Variants in RUNX1 observed in about 807,000 individuals in gnomAD.
The protein encoded by RUNX1 is RUNX family transcription factor 1, also known as runt-related transcription factor 1.
A neutral mutation model predicts 42.8 loss-of-function variants in RUNX1; 19 were observed. The observed-to-expected ratio is 0.44, with a 90% CI of 0.31 to 0.65. RUNX1 has a LOEUF of 0.65. Among genes scored for constraint, RUNX1 ranks in the 30% least tolerant of loss-of-function variants. The pLI, the probability that RUNX1 is intolerant of heterozygous loss-of-function variation, is 0.07. For missense variants in RUNX1, 528 were observed against 672.0 expected, an observed-to-expected ratio of 0.79 and a Z score of 2.37; for synonymous variants, 271 against 289.4, an observed-to-expected ratio of 0.94 and a Z score of 0.64.
At chr21:34,915,676 G>T (rs749144645) in intron 2 of RUNX1, among the ~76,000 whole-genome samples, 4 of 152,200 alleles carry the variant, frequency 2.6e-5, no homozygotes, top group Admixed American at 6.5e-5. Flanking sequence ...CAAAGTGGAA[G>T]GTGTTGTCAG....
At chr21:35,017,391 G>C (rs1319060322) in intron 2 of RUNX1, among the ~76,000 whole-genome samples, 1 of 152,110 alleles carries the variant, frequency 6.6e-6, no homozygotes, top group Non-Finnish European at 1.5e-5. Context: ...AAAGGAGAGT[G>C]GGGGGACAAT....
chr21:35,007,149 T>C lies in RUNX1; in HGVS notation c.58+41693A>G, dbSNP rs2059091083. Among the ~76,000 whole-genome samples the C allele has an allele frequency of 3.9e-5, 6 of 152,170 alleles. No homozygotes were observed. In the South Asian group the frequency reaches 1.0e-3, roughly 26 times the overall value. ...TAATAATTTTTATATAGAATGCATA[T>C]TGAAATGTAACATTTGGCTATAGTG... On this transcript the variant is annotated intron_variant, in intron 2 of 8. Coordinates refer to ENST00000675419, the MANE Select transcript of RUNX1 (RefSeq NM_001754.5).
Position 34,789,398 on chromosome 21 carries a change from T to A in RUNX1, c.*2737A>T, listed in dbSNP as rs932015370. On this transcript the variant is annotated 3_prime_UTR_variant, in exon 9 of 9. Coordinates refer to ENST00000675419, the MANE Select transcript of RUNX1 (RefSeq NM_001754.5). ...GAAAAAGAAAGAACTGAAATATGTA[T>A]CCATGTTGAAATCATAAATAGGGAC... is the stretch of plus-strand genomic sequence containing the variant. 1 of 233,592 alleles carries A rather than the reference T, an allele frequency of 4.3e-6. No homozygotes were observed. The highest frequency in any genetic ancestry group is 2.2e-5 in the African/African-American group (1 of 45,326). The allele number at this position is 233,592 out of a possible 1,614,324, so 14.5% of individuals were successfully genotyped here.
chr21:34,985,385 G>C (rs1029190828), intron 2 of RUNX1, among the ~76,000 whole-genome samples: 1 of 152,200 alleles, frequency 6.6e-6, no homozygotes, highest in Non-Finnish European at 1.5e-5. Flanking sequence ...AGCAGAGGTA[G>C]CCAGAGGTGT....
chr21:34,930,266 G>GTA (rs1569110271), intron 2 of RUNX1, among the ~76,000 whole-genome samples: 1 of 76,446 alleles, frequency 1.3e-5, no homozygotes. Context: ...ACGTGTGTGT[G>GTA]TATGTATATA....
At position 34,990,370 on chromosome 21, in the gene RUNX1, C is replaced by G. The variant is rs1294547723; in HGVS notation, c.58+58472G>C. On this transcript the variant is annotated intron_variant, in intron 2 of 8. Coordinates refer to ENST00000675419, the MANE Select transcript of RUNX1 (RefSeq NM_001754.5). ...TTCTGGAAGCTTCCCCAGGGAAGAGCAGGAACCCCCAGAATGGCAGAGCTG... is the reference window on the plus strand; with the variant it reads ...TTCTGGAAGCTTCCCCAGGGAAGAGGAGGAACCCCCAGAATGGCAGAGCTG... Among the ~76,000 whole-genome samples the G allele has an allele frequency of 2.6e-5, 4 of 152,282 alleles. No homozygotes were observed. In the East Asian group the frequency reaches 5.8e-4, roughly 22 times the overall value.
chr21:35,036,453 T>C (rs924365159), intron 2 of RUNX1, among the ~76,000 whole-genome samples: 5 of 152,132 alleles, frequency 3.3e-5, no homozygotes, highest in African/African-American at 1.2e-4. Context: ...TCATTTATGA[T>C]TGCATCCTTC....
intron 2 of RUNX1, among the ~76,000 whole-genome samples, chr21:35,011,081 T>C (rs1287480829): frequency 6.6e-6 from 1 of 152,194 alleles, no homozygotes; most frequent in Non-Finnish European, 1.5e-5. Context: ...GTCGATTTGC[T>C]AGTAGGTTGG....
At chr21:34,881,508 A>G (rs1385766688) in intron 4 of RUNX1, among the ~76,000 whole-genome samples, 1 of 152,192 alleles carries the variant, frequency 6.6e-6, no homozygotes, top group African/African-American at 2.4e-5. Context: ...AAGACGGGAC[A>G]TTCACTTCTA....
intron 2 of RUNX1, among the ~76,000 whole-genome samples, chr21:35,015,407 T>C (rs563194108): frequency 7.9e-5 from 12 of 152,308 alleles, no homozygotes; most frequent in African/African-American, 2.9e-4. Flanking sequence ...CTTGAGCATA[T>C]TTAGGAGACA....
chr21:34,906,757 G>T (rs1488984307), intron 2 of RUNX1, among the ~76,000 whole-genome samples: 10 of 152,194 alleles, frequency 6.6e-5, no homozygotes, highest in Admixed American at 6.6e-4. Flanking sequence ...CCACTCTCCA[G>T]TTAAAGGGGA....
intron 3 of RUNX1, chr21:34,889,564 C>T: frequency 2.9e-6 from 2 of 685,976 alleles, no homozygotes; most frequent in African/African-American, 1.9e-5. Flanking sequence ...CCGGCACCCG[C>T]AGCAGCCGGA....
intron 4 of RUNX1, among the ~76,000 whole-genome samples, chr21:34,883,629 G>A (rs1223820157): frequency 6.6e-6 from 1 of 152,084 alleles, no homozygotes; most frequent in Non-Finnish European, 1.5e-5. Context: ...AGGCAAGAAG[G>A]GACTTGCTGG....
intron 5 of RUNX1, among the ~76,000 whole-genome samples, chr21:34,874,973 G>A (rs2057793403): frequency 6.6e-6 from 1 of 152,168 alleles, no homozygotes; most frequent in African/African-American, 2.4e-5. Flanking sequence ...CAAGCCGGCT[G>A]GCAAGGAAGG....
intron 2 of RUNX1, among the ~76,000 whole-genome samples, chr21:34,909,133 C>T (rs1202718410): frequency 1.3e-5 from 2 of 152,118 alleles, no homozygotes; most frequent in Non-Finnish European, 2.9e-5. Flanking sequence ...GGGCTAATTT[C>T]GGGGTCTGAT....
At chr21:34,982,084 C>T (rs1209024338) in intron 2 of RUNX1, among the ~76,000 whole-genome samples, 5 of 152,178 alleles carry the variant, frequency 3.3e-5, no homozygotes, top group Admixed American at 3.3e-4. Context: ...ACAGAAGGCA[C>T]TTCATTTCAT....
intron 7 of RUNX1, among the ~76,000 whole-genome samples, chr21:34,832,176 C>CTACTAAGTAGAGT (rs2057072569): frequency 6.6e-6 from 1 of 152,138 alleles, no homozygotes; most frequent in Non-Finnish European, 1.5e-5. Context: ...AGTGTTAAAC[C>CTACTAAGTAGAGT]TGATACTCTA....
chr21:34,842,864 C>A (rs1194999480), intron 6 of RUNX1, among the ~76,000 whole-genome samples: 1 of 152,048 alleles, frequency 6.6e-6, no homozygotes, highest in African/African-American at 2.4e-5. Flanking sequence ...GTCAGGAGTT[C>A]GAGAGCAGCC....
At chr21:34,850,234 C>A (rs996303242) in intron 6 of RUNX1, among the ~76,000 whole-genome samples, 1 of 152,194 alleles carries the variant, frequency 6.6e-6, no homozygotes, top group South Asian at 2.1e-4. Context: ...CCATGGGAGA[C>A]GTGCACCCAA....
Sources: allele counts gnomAD v4.1 joint callset (sites outside exome capture counted in the v4.1 genomes callset), GRCh38; gene constraint gnomAD v4.1.1; transcripts MANE v1.5; gene names NCBI Gene and HGNC (gene_info 2026-07-23, HGNC 2026-07-21).